The following ZMYND11 variants were observed in gnomAD, a reference collection of about 807,000 sequenced individuals.
ZMYND11 encodes zinc finger MYND domain-containing protein 11.
ZMYND11 carries 9 observed loss-of-function variants against 84.9 expected under a neutral mutation model. The ratio of observed to expected loss-of-function variants is 0.11; its 90% CI spans 0.06 to 0.18. ZMYND11 has a LOEUF of 0.18. ZMYND11 is among the 10% of genes least tolerant of loss of function. ZMYND11 has a pLI of 1.00. For missense variants in ZMYND11, 409 were observed against 761.0 expected (o/e 0.54, Z 5.44); for synonymous variants, 250 against 244.1 (o/e 1.02, Z -0.23).
chr10:143,084 G>C (rs1837861489), intron 1 of ZMYND11, among the ~76,000 whole-genome samples: 2 of 152,220 alleles, frequency 1.3e-5, no homozygotes, highest in South Asian at 4.1e-4. Context: ...GAGGAATCTT[G>C]TGTAAGTTCA....
chr10:158,991 G>GTTTTTTTTT (rs71374342), intron 1 of ZMYND11, among the ~76,000 whole-genome samples: 15 of 58,602 alleles, frequency 2.6e-4, no homozygotes, highest in African/African-American at 4.5e-4. Context: ...TTTGTTTTTT[G>GTTTTTTTTT]TTTTTTTTTT....
At chr10:156,404 T>G (rs1841731746) in intron 1 of ZMYND11, among the ~76,000 whole-genome samples, 1 of 152,258 alleles carries the variant, frequency 6.6e-6, no homozygotes, top group African/African-American at 2.4e-5. Flanking sequence ...TTTTAATGCT[T>G]AAATCACTTA....
intron 2 of ZMYND11, among the ~76,000 whole-genome samples, chr10:208,367 G>A (rs1944560181): frequency 1.3e-5 from 2 of 152,092 alleles, no homozygotes; most frequent in Admixed American, 1.3e-4. Flanking sequence ...CCTACAAAAT[G>A]GGAGAAAATT....
At chr10:156,960 A>T (rs1277700005) in intron 1 of ZMYND11, among the ~76,000 whole-genome samples, 2 of 152,188 alleles carry the variant, frequency 1.3e-5, no homozygotes, top group Non-Finnish European at 2.9e-5. Flanking sequence ...GATATTTCTA[A>T]TGGCAGACAA....
chr10:211,768 A>G (rs1945289009), intron 3 of ZMYND11, among the ~76,000 whole-genome samples: 3 of 152,228 alleles, frequency 2.0e-5, no homozygotes, highest in Admixed American at 2.0e-4. Context: ...GGAAATCTTT[A>G]TATAAGAAGA....
At position 252,276 on chromosome 10, in the gene ZMYND11, G is replaced by A. The variant is rs1443942795; in HGVS notation, c.1687-72G>A. On this transcript the variant is annotated intron_variant, in intron 14 of 14. Transcript: ENST00000381604. This position sits in a 1 kb window ranked among gnomAD's most constrained non-coding sequence, Gnocchi z 4.6. Reference sequence around the variant, plus strand: ...ATCTTTTAAAAGCACCACCTCAAGAGTTTGCCATTTTAACCAGTCGCTTAC... The same window carrying A: ...ATCTTTTAAAAGCACCACCTCAAGAATTTGCCATTTTAACCAGTCGCTTAC... 1.4e-5 allele frequency: 22 copies of A among 1,566,160 alleles called. No individual in the cohort carries two copies. The highest frequency in any genetic ancestry group is 1.6e-5 in the Non-Finnish European group (18 of 1,148,078).
chr10:250,756 G>A (rs1440021578), intron 14 of ZMYND11, among the ~76,000 whole-genome samples: 1 of 152,090 alleles, frequency 6.6e-6, no homozygotes, highest in Non-Finnish European at 1.5e-5. Flanking sequence ...CTTTCTTCTC[G>A]GCCAGGCTCG....
chr10:227,600 C>G (rs77632931), intron 4 of ZMYND11, among the ~76,000 whole-genome samples: 402 of 152,258 alleles, frequency 2.6e-3, no homozygotes, highest in African/African-American at 8.3e-3. Flanking sequence ...AAATTTGTTT[C>G]TGGATACAGT....
chr10:239,412 G>C (rs758421877), intron 6 of ZMYND11, 26 bp from the exon 7 acceptor site: 2 of 1,595,058 alleles, frequency 1.3e-6, no homozygotes, highest in Non-Finnish European at 8.6e-7. Context: ...AACTCTTTTC[G>C]TCATTCTGTT....
At chr10:175,441 G>C (rs782810657) in intron 1 of ZMYND11, among the ~76,000 whole-genome samples, 1 of 152,096 alleles carries the variant, frequency 6.6e-6, no homozygotes, top group South Asian at 2.1e-4. Flanking sequence ...GGTGGCGCAC[G>C]CCTGTAATCC....
At chr10:196,801 CAG>C (rs988363655) in intron 2 of ZMYND11, among the ~76,000 whole-genome samples, 6 of 152,112 alleles carry the variant, frequency 3.9e-5, no homozygotes, top group Non-Finnish European at 8.8e-5. Flanking sequence ...AACTGGCAAA[CAG>C]AGAAAAAGGA....
intron 4 of ZMYND11, among the ~76,000 whole-genome samples, chr10:233,097 C>A (rs932389094): frequency 2.0e-5 from 3 of 152,186 alleles, no homozygotes; most frequent in Admixed American, 6.5e-5. Context: ...GTGCTCTTAA[C>A]CACACCTATC....
intron 3 of ZMYND11, among the ~76,000 whole-genome samples, chr10:212,390 C>T (rs1945402910): frequency 6.6e-6 from 1 of 151,902 alleles, no homozygotes; most frequent in South Asian, 2.1e-4. Flanking sequence ...TTCTTGCAAA[C>T]ATTTTTATTC....
At position 241,917 on chromosome 10, in the gene ZMYND11, T is replaced by C. The variant is rs905411883; in HGVS notation, c.832-104T>C. The C allele has an allele frequency of 2.2e-6, 3 of 1,384,844 alleles. No homozygotes were observed. In the South Asian group the frequency reaches 4.0e-5, roughly 19 times the overall value. 85.8% of individuals were successfully genotyped at this position (1,384,844 alleles called of 1,614,324 possible). The stretch of plus-strand genomic sequence containing the variant: ...ATGTGTTTAGGAGTTATGAAAGAAA[T>C]ATTTTAGAAATAATGGATTATATGT... On this transcript the variant is annotated intron_variant, in intron 9 of 14. Transcript: ENST00000381604.
chr10:219,891 C>T (rs1001976025), intron 3 of ZMYND11, among the ~76,000 whole-genome samples: 7 of 152,154 alleles, frequency 4.6e-5, no homozygotes, highest in African/African-American at 7.2e-5. Context: ...AAAAGCAAAC[C>T]GGAAAGTTTA....
Position 231,097 on chromosome 10 carries a change from C to G in ZMYND11, c.439-5741C>G, listed in dbSNP as rs546232542. Among the ~76,000 whole-genome samples, 9 of 152,272 alleles carry G rather than the reference C, an allele frequency of 5.9e-5. No homozygotes were observed. The East Asian group carries it at 1.7e-3, about 29-fold the overall frequency. On this transcript the variant is annotated intron_variant, in intron 4 of 14. Coordinates refer to ENST00000381604, the MANE Select transcript of ZMYND11 (RefSeq NM_001370100.5). ...TCCAAAAGTTTTATCGGAACACAGCCACACTCGTGATGTATGCATTATTCA... is the reference window on the plus strand; with the variant it reads ...TCCAAAAGTTTTATCGGAACACAGCGACACTCGTGATGTATGCATTATTCA...
intron 1 of ZMYND11, among the ~76,000 whole-genome samples, chr10:144,393 A>G (rs1838217452): frequency 6.6e-6 from 1 of 151,730 alleles, no homozygotes; most frequent in South Asian, 2.1e-4. Flanking sequence ...TAATTTTTGT[A>G]TTTTTTTGGC....
chr10:145,364 G>T (rs1449829532), intron 1 of ZMYND11, among the ~76,000 whole-genome samples: 1 of 151,934 alleles, frequency 6.6e-6, no homozygotes, highest in Non-Finnish European at 1.5e-5. Context: ...ACATATGCAC[G>T]CAGGTGTCTT....
intron 2 of ZMYND11, among the ~76,000 whole-genome samples, chr10:183,481 G>A (rs931223398): frequency 3.9e-5 from 6 of 152,024 alleles, no homozygotes; most frequent in African/African-American, 1.2e-4. Context: ...AGCAATTGAC[G>A]CTAGATCCAG....
Sources: allele counts gnomAD v4.1 joint callset (sites outside exome capture counted in the v4.1 genomes callset), GRCh38; gene constraint gnomAD v4.1.1; non-coding constraint Gnocchi (gnomAD v3.1); transcripts MANE v1.5; gene names NCBI Gene and HGNC (gene_info 2026-07-23, HGNC 2026-07-21).